The following ADGRL2 variants were observed in gnomAD, a reference collection of about 807,000 sequenced individuals.
ADGRL2 encodes calcium-independent alpha-latrotoxin receptor 2.
A neutral mutation model predicts 157.4 loss-of-function variants in ADGRL2; 44 were observed. That is an observed-to-expected ratio of 0.28 (90% confidence interval 0.22 to 0.36). ADGRL2 has a LOEUF of 0.36. Among genes scored for constraint, ADGRL2 ranks in the 10% least tolerant of loss-of-function variants. The pLI is 1.00. For synonymous variants in ADGRL2, 585 were observed against 624.7 expected, an observed-to-expected ratio of 0.94 and a Z score of 0.95; for missense variants, 1,510 against 1,768.9, an observed-to-expected ratio of 0.85 and a Z score of 2.63.
intron 2 of ADGRL2, among the ~76,000 whole-genome samples, chr1:81,538,937 G>A (rs1036559938): frequency 1.3e-5 from 2 of 151,138 alleles, no homozygotes; most frequent in Non-Finnish European, 2.9e-5. Context: ...GAGCCTGGAA[G>A]GCGGAAGTTG....
At chr1:81,947,412 A>C (rs1333719428) in intron 6 of ADGRL2, among the ~76,000 whole-genome samples, 1 of 152,212 alleles carries the variant, frequency 6.6e-6, no homozygotes. Flanking sequence ...AGTCTATGAA[A>C]ATCTGTAACT....
chr1:81,947,969 A>G (rs1324344676), intron 6 of ADGRL2, among the ~76,000 whole-genome samples: 2 of 152,168 alleles, frequency 1.3e-5, no homozygotes, highest in African/African-American at 2.4e-5. Flanking sequence ...CTGTAATCCC[A>G]GCACTTTGGG....
At chr1:81,586,719 G>A (rs1175019044) in intron 3 of ADGRL2, among the ~76,000 whole-genome samples, 1 of 152,028 alleles carries the variant, frequency 6.6e-6, no homozygotes, top group Non-Finnish European at 1.5e-5. Context: ...TTCAGAGTGA[G>A]TACAGCACAG....
chr1:81,356,240 A>G (rs1663276866), intron 1 of ADGRL2, among the ~76,000 whole-genome samples: 1 of 152,248 alleles, frequency 6.6e-6, no homozygotes, highest in African/African-American at 2.4e-5. Flanking sequence ...TTAAAAAATT[A>G]AAGATGCTGA....
At chr1:81,953,607 C>T (rs1398258528) in intron 10 of ADGRL2, among the ~76,000 whole-genome samples, 2 of 152,094 alleles carry the variant, frequency 1.3e-5, no homozygotes, top group Non-Finnish European at 2.9e-5. Flanking sequence ...AACAGAAAGC[C>T]ACTGTTGAGC....
At chr1:81,948,059 A>G (rs1366027222) in intron 6 of ADGRL2, among the ~76,000 whole-genome samples, 1 of 152,058 alleles carries the variant, frequency 6.6e-6, no homozygotes, top group Non-Finnish European at 1.5e-5. Flanking sequence ...TCTGCTAAAA[A>G]TACAAAAATT....
chr1:81,852,607 A>G (rs1306537537), intron 2 of ADGRL2, among the ~76,000 whole-genome samples: 2 of 152,128 alleles, frequency 1.3e-5, no homozygotes, highest in Non-Finnish European at 2.9e-5. Flanking sequence ...CTTGGAGGAA[A>G]TGAACCTCCA....
intron 1 of ADGRL2, among the ~76,000 whole-genome samples, chr1:81,749,104 A>G (rs2085407678): frequency 6.6e-6 from 1 of 152,234 alleles, no homozygotes; most frequent in African/African-American, 2.4e-5. Flanking sequence ...AATCCAATAA[A>G]TATAAAACAT....
intron 2 of ADGRL2, among the ~76,000 whole-genome samples, chr1:81,575,399 G>A (rs1342600192): frequency 6.6e-6 from 1 of 152,020 alleles, no homozygotes; most frequent in East Asian, 1.9e-4. Context: ...TTTGGTTTAG[G>A]ACAAATTATG....
At chr1:81,848,740 C>A (rs556036175) in intron 2 of ADGRL2, among the ~76,000 whole-genome samples, 1 of 151,874 alleles carries the variant, frequency 6.6e-6, no homozygotes, top group Non-Finnish European at 1.5e-5. Context: ...AAGTTTACAG[C>A]CATAAGCATA....
intron 1 of ADGRL2, among the ~76,000 whole-genome samples, chr1:81,429,115 C>G (rs1043203281): frequency 2.2e-5 from 3 of 139,096 alleles, no homozygotes; most frequent in African/African-American, 8.0e-5. Context: ...TTGTGAACTA[C>G]CCATGAGGCA....
intron 3 of ADGRL2, among the ~76,000 whole-genome samples, chr1:81,658,567 C>T (rs1254556483): frequency 6.6e-6 from 1 of 152,162 alleles, no homozygotes; most frequent in Non-Finnish European, 1.5e-5. Context: ...ATTCCCCTCC[C>T]ACCTTCCCAC....
intron 1 of ADGRL2, among the ~76,000 whole-genome samples, chr1:81,377,888 A>G (rs1000147486): frequency 2.0e-5 from 3 of 152,178 alleles, no homozygotes; most frequent in African/African-American, 7.2e-5. Context: ...CATATTGAAT[A>G]CCACGGGTGG....
Position 81,395,780 on chromosome 1 carries a change from A to G in ADGRL2, c.-301-49256A>G, listed in dbSNP as rs72713466. Among the ~76,000 whole-genome samples the G allele has an allele frequency of 4.6e-3, 696 of 152,258 alleles. 5 individuals carry two copies. Among genetic ancestry groups the G allele is most frequent in the Middle Eastern group, 0.027 (8 of 294 alleles). On this transcript the variant is annotated intron_variant, in intron 1 of 24. Coordinates refer to the ADGRL2 transcript ENST00000370721. ...GCATATGAATATCCAGTTTCCCAGA[A>G]CTATTTATTGAAGAGACTGACTTTT...
intron 1 of ADGRL2, among the ~76,000 whole-genome samples, chr1:81,729,570 T>G (rs2084652185): frequency 6.6e-6 from 1 of 152,190 alleles, no homozygotes; most frequent in Non-Finnish European, 1.5e-5. Context: ...TGTACATATT[T>G]TTTCCATCTT....
intron 1 of ADGRL2, among the ~76,000 whole-genome samples, chr1:81,355,694 C>T (rs1663233214): frequency 6.6e-6 from 1 of 152,170 alleles, no homozygotes; most frequent in Non-Finnish European, 1.5e-5. Flanking sequence ...CATGGGAAGA[C>T]AAGAGACTAT....
intron 11 of ADGRL2, among the ~76,000 whole-genome samples, chr1:81,964,076 C>A (rs1324522925): frequency 6.6e-6 from 1 of 151,704 alleles, no homozygotes; most frequent in African/African-American, 2.4e-5. Context: ...TCTTAAGTAG[C>A]TTGAAATATC....
At chr1:81,766,189 T>C (rs1342916122) in intron 2 of ADGRL2, among the ~76,000 whole-genome samples, 1 of 152,138 alleles carries the variant, frequency 6.6e-6, no homozygotes, top group Non-Finnish European at 1.5e-5. Context: ...CATTATCCTG[T>C]TTTTATTTAT....
intron 1 of ADGRL2, among the ~76,000 whole-genome samples, chr1:81,824,967 C>CTCTCTCTT (rs1553162232): frequency 3.2e-3 from 478 of 150,478 alleles, no homozygotes; most frequent in Admixed American, 6.8e-3. Flanking sequence ...CTCTCTCTCT[C>CTCTCTCTT]TCTCTCTCTC....
Sources: allele counts gnomAD v4.1 joint callset (sites outside exome capture counted in the v4.1 genomes callset), GRCh38; gene constraint gnomAD v4.1.1; transcripts MANE v1.5; gene names NCBI Gene and HGNC (gene_info 2026-07-23, HGNC 2026-07-21).